ABCC4: variants seen among roughly 807,000 people sequenced by gnomAD.
ABCC4 encodes ATP binding cassette subfamily C member 4 (PEL blood group).
A neutral mutation model predicts 168.5 loss-of-function variants in ABCC4; 102 were observed. The observed-to-expected ratio is 0.61, with a 90% CI of 0.52 to 0.71. The LOEUF (loss-of-function observed/expected upper bound fraction) is 0.71. Ranked by LOEUF, ABCC4 falls within the 30% of genes least tolerant of loss-of-function variation. The pLI is 0.00. For missense variants in ABCC4, 1,402 were observed against 1,605.8 expected (o/e 0.87, Z 2.17); for synonymous variants, 617 against 590.7 (o/e 1.04, Z -0.65).
chr13:95,282,818 C>T (rs552425614), intron 1 of ABCC4, among the ~76,000 whole-genome samples: 23 of 152,052 alleles, frequency 1.5e-4, no homozygotes, highest in Admixed American at 5.9e-4. Flanking sequence ...CAGGTGTGAG[C>T]CACCGTGTCC....
intron 8 of ABCC4, among the ~76,000 whole-genome samples, chr13:95,203,086 T>C (rs1348111609): frequency 6.6e-6 from 1 of 152,166 alleles, no homozygotes; most frequent in South Asian, 2.1e-4. Flanking sequence ...GTGGGAATGA[T>C]AGGGGAGTTA....
chr13:95,048,325 C>T (rs1159187546), intron 27 of ABCC4, among the ~76,000 whole-genome samples: 2 of 152,146 alleles, frequency 1.3e-5, no homozygotes, highest in East Asian at 1.9e-4. Context: ...TAGGAAACTA[C>T]AGGAAAAGTG....
intron 20 of ABCC4, among the ~76,000 whole-genome samples, chr13:95,085,210 G>A (rs1194536239): frequency 7.2e-5 from 11 of 152,058 alleles, no homozygotes; most frequent in African/African-American, 2.4e-4. Context: ...AGGCAGAGGC[G>A]GGTGGATCAC....
intron 19 of ABCC4, among the ~76,000 whole-genome samples, chr13:95,136,188 T>C (rs1477035947): frequency 1.3e-5 from 2 of 152,146 alleles, no homozygotes; most frequent in Non-Finnish European, 2.9e-5. Flanking sequence ...TTTAGTGTTT[T>C]GAGACGGGGG....
intron 18 of ABCC4, among the ~76,000 whole-genome samples, chr13:95,162,189 T>A (rs969081810): frequency 6.6e-6 from 1 of 152,168 alleles, no homozygotes; most frequent in Admixed American, 6.5e-5. Context: ...TACACGAACA[T>A]AATAGAACAT....
chr13:95,095,847 T>C, intron 20 of ABCC4: 1 of 293,484 alleles, frequency 3.4e-6, no homozygotes, highest in Admixed American at 5.1e-5. Context: ...AAGGAAGGTA[T>C]CTGCAATTCA....
intron 8 of ABCC4, 49 bp downstream of exon 8, chr13:95,206,483 A>G (rs768539340): frequency 1.3e-6 from 2 of 1,595,322 alleles, no homozygotes; most frequent in Admixed American, 3.4e-5. Flanking sequence ...AGGAGACATC[A>G]TTCTACTTCA....
Position 95,021,576 on chromosome 13 carries a change from C to T in ABCC4, c.3977G>A (p.Ter1326=). The T allele has an allele frequency of 6.2e-7, 1 of 1,603,278 alleles. No individual in the cohort carries two copies. ...ACGGACTTGACATTTTGGTTGGATT[C>T]ACAGTGCTGTCTCGAAAATAGTTAA... ...STLTIFETAL[*] Residue 1326 remains the stop codon, a stop_retained_variant, in exon 31 of 31, where the codon TGA becomes TAA. Coordinates refer to ENST00000645237, the MANE Select transcript of ABCC4 (RefSeq NM_005845.5).
chr13:95,147,978 A>C (rs1254172479), intron 19 of ABCC4, among the ~76,000 whole-genome samples: 2 of 152,186 alleles, frequency 1.3e-5, no homozygotes, highest in Non-Finnish European at 2.9e-5. Context: ...CAAACAAAAA[A>C]AATACTCTAT....
chr13:95,237,427 C>T, intron 3 of ABCC4, among the ~76,000 whole-genome samples: 1 of 152,168 alleles, frequency 6.6e-6, no homozygotes, highest in Non-Finnish European at 1.5e-5. Context: ...AAATTCTCCA[C>T]CTTAGAGACC....
chr13:95,198,188 A>C (rs1401065865), intron 8 of ABCC4, among the ~76,000 whole-genome samples: 1 of 152,224 alleles, frequency 6.6e-6, no homozygotes, highest in Non-Finnish European at 1.5e-5. Flanking sequence ...ACAGAATGGA[A>C]GAAAATTTTT....
chr13:95,128,357 T>C (rs1358867369), intron 19 of ABCC4, among the ~76,000 whole-genome samples: 1 of 152,210 alleles, frequency 6.6e-6, no homozygotes, highest in Non-Finnish European at 1.5e-5. Flanking sequence ...CTAAACTCAA[T>C]GTGAAAGAAT....
At chr13:95,250,714 T>C (rs2040231003) in intron 1 of ABCC4, among the ~76,000 whole-genome samples, 1 of 151,904 alleles carries the variant, frequency 6.6e-6, no homozygotes, top group African/African-American at 2.4e-5. Flanking sequence ...TAGTTTTTGT[T>C]GTTTTTTCCC....
chr13:95,155,747 C>A (rs975540669), intron 19 of ABCC4, among the ~76,000 whole-genome samples: 1 of 152,130 alleles, frequency 6.6e-6, no homozygotes, highest in Non-Finnish European at 1.5e-5. Flanking sequence ...AACACTTCTA[C>A]CAACACCAGC....
intron 1 of ABCC4, among the ~76,000 whole-genome samples, chr13:95,259,095 G>A (rs2040462785): frequency 6.6e-6 from 1 of 152,082 alleles, no homozygotes; most frequent in Admixed American, 6.6e-5. Flanking sequence ...CATTAGAAAT[G>A]CCTTCCCCCG....
At chr13:95,201,242 T>G (rs919929261) in intron 8 of ABCC4, among the ~76,000 whole-genome samples, 6 of 152,196 alleles carry the variant, frequency 3.9e-5, no homozygotes, top group African/African-American at 1.2e-4. Flanking sequence ...GAACAGGAAT[T>G]TCAAGCCTTA....
At chr13:95,171,455 G>A (rs903972456) in intron 13 of ABCC4, among the ~76,000 whole-genome samples, 5 of 151,840 alleles carry the variant, frequency 3.3e-5, no homozygotes, top group Admixed American at 2.0e-4. Flanking sequence ...TAGAAGGGAG[G>A]CTAAGGTGGG....
intron 25 of ABCC4, 64 bp from the exon 26 acceptor site, chr13:95,062,923 A>C: frequency 3.9e-6 from 6 of 1,547,498 alleles, no homozygotes; most frequent in Non-Finnish European, 5.2e-6. Flanking sequence ...ATGCAGCAAA[A>C]CTAGGAGAAA....
At chr13:95,161,551 G>A (rs2037100730) in intron 18 of ABCC4, among the ~76,000 whole-genome samples, 1 of 152,132 alleles carries the variant, frequency 6.6e-6, no homozygotes, top group South Asian at 2.1e-4. Flanking sequence ...GCACAGAAAA[G>A]AAAAATCAGG....
Sources: gnomAD v4.1 joint callset for allele counts (sites outside exome capture counted in the v4.1 genomes callset) on GRCh38, gnomAD v4.1.1 for gene constraint, MANE v1.5 for transcripts, NCBI Gene and HGNC (gene_info 2026-07-23, HGNC 2026-07-21) for gene names.